The following XKR6 variants were observed in gnomAD, a reference collection of about 807,000 sequenced individuals.
The protein encoded by XKR6 is XK related 6.
Under a neutral mutation model 56.7 loss-of-function variants are expected in XKR6, and 22 were observed. The ratio of observed to expected loss-of-function variants is 0.39; its 90% CI spans 0.28 to 0.55. The LOEUF is 0.55. Ranked by LOEUF, XKR6 falls within the 20% of genes least tolerant of loss-of-function variation. The pLI, the probability that XKR6 is intolerant of heterozygous loss-of-function variation, is 0.66. For synonymous variants in XKR6, 524 were observed against 387.8 expected (o/e 1.35, Z -4.13); for missense variants, 852 against 889.0 (o/e 0.96, Z 0.53).
intron 1 of XKR6, among the ~76,000 whole-genome samples, chr8:10,965,545 A>T (rs1331587973): frequency 6.6e-6 from 1 of 152,214 alleles, no homozygotes; most frequent in Non-Finnish European, 1.5e-5. Context: ...ATCGTACATG[A>T]GCTGCTAAGG....
intron 1 of XKR6, among the ~76,000 whole-genome samples, chr8:11,183,216 A>G (rs1281511351): frequency 2.6e-5 from 4 of 152,190 alleles, no homozygotes; most frequent in African/African-American, 9.7e-5. Context: ...TCTTTTGGAT[A>G]TACAGCCCGA....
intron 2 of XKR6, among the ~76,000 whole-genome samples, chr8:10,913,093 T>TAG (rs1165403879): frequency 6.6e-6 from 1 of 151,054 alleles, no homozygotes; most frequent in Non-Finnish European, 1.5e-5. Flanking sequence ...TATCTATATA[T>TAG]AGAGAGAGAG....
At chr8:11,178,753 G>A (rs868789372) in intron 1 of XKR6, among the ~76,000 whole-genome samples, 3 of 150,174 alleles carry the variant, frequency 2.0e-5, no homozygotes, top group Non-Finnish European at 4.4e-5. Flanking sequence ...TTTACATATG[G>A]TAGGTAACGT....
intron 1 of XKR6, among the ~76,000 whole-genome samples, chr8:10,958,289 C>A (rs577426469): frequency 2.2e-4 from 34 of 152,386 alleles, no homozygotes; most frequent in African/African-American, 7.7e-4. Flanking sequence ...GCCTGGGAAA[C>A]AGAGGCCTGA....
chr8:11,167,530 G>A (rs1287911278), intron 1 of XKR6, among the ~76,000 whole-genome samples: 1 of 152,286 alleles, frequency 6.6e-6, no homozygotes, highest in Middle Eastern at 3.4e-3. Context: ...AATGAGACAT[G>A]CAACACATGA....
chr8:10,963,870 G>C (rs1192819987), intron 1 of XKR6, among the ~76,000 whole-genome samples: 3 of 152,196 alleles, frequency 2.0e-5, no homozygotes, highest in Non-Finnish European at 4.4e-5. Flanking sequence ...ACGAATGAAT[G>C]ATGTGAACAC....
At chr8:11,001,155 G>A (rs1756025624) in intron 1 of XKR6, among the ~76,000 whole-genome samples, 1 of 152,182 alleles carries the variant, frequency 6.6e-6, no homozygotes, top group African/African-American at 2.4e-5. Flanking sequence ...TATGTGTTAG[G>A]TGCCATACAC....
intron 1 of XKR6, among the ~76,000 whole-genome samples, chr8:11,132,899 A>G (rs551544709): frequency 6.6e-6 from 1 of 152,254 alleles, no homozygotes; most frequent in African/African-American, 2.4e-5. Flanking sequence ...TGCCAGAAAT[A>G]AATGCTCTAA....
At chr8:11,046,525 G>C (rs1370343267) in intron 1 of XKR6, among the ~76,000 whole-genome samples, 2 of 152,148 alleles carry the variant, frequency 1.3e-5, no homozygotes, top group African/African-American at 4.8e-5. Flanking sequence ...TAGCCAAAAG[G>C]TAGAAGTAAC....
At chr8:10,969,714 A>T (rs1256435764) in intron 1 of XKR6, among the ~76,000 whole-genome samples, 1 of 152,220 alleles carries the variant, frequency 6.6e-6, no homozygotes, top group Non-Finnish European at 1.5e-5. Flanking sequence ...TGAAAGATGG[A>T]AACAGGAGCC....
rs376679290 is a variant in XKR6 at position 11,128,617 on chromosome 8, G to A, written c.764+71959C>T. Among the ~76,000 whole-genome samples the A allele has an allele frequency of 1.2e-4, 19 of 152,246 alleles. No individual in the cohort carries two copies. The East Asian group carries it at 2.1e-3, about 17-fold the overall frequency. On this transcript the variant is annotated intron_variant, in intron 1 of 2. Coordinates refer to ENST00000416569, the MANE Select transcript of XKR6 (RefSeq NM_173683.4). Reference sequence around the variant, plus strand: ...TATCCAAGTACCACCTAGAGTACCCGCAGTACTCTACTGTCCTAGAGTATA... The same window carrying A: ...TATCCAAGTACCACCTAGAGTACCCACAGTACTCTACTGTCCTAGAGTATA...
chr8:11,097,788 C>G (rs1267920659), intron 1 of XKR6, among the ~76,000 whole-genome samples: 3 of 101,408 alleles, frequency 3.0e-5, no homozygotes, highest in Non-Finnish European at 5.4e-5. Context: ...GCCTGGGGGA[C>G]AAGAGCTAGA....
intron 1 of XKR6, among the ~76,000 whole-genome samples, chr8:11,165,090 C>CATTTTTTTTTTTTTTTTTTTTTTTTTT (rs762270947): frequency 1.2e-5 from 1 of 82,472 alleles, no homozygotes; most frequent in African/African-American, 5.2e-5. Context: ...AGGCTATCAC[C>CATTTTTTTTTTTTTTTTTTTTTTTTTT]TTTTTTTTTT....
intron 1 of XKR6, among the ~76,000 whole-genome samples, chr8:11,007,913 G>A (rs1270326845): frequency 6.6e-6 from 1 of 152,124 alleles, no homozygotes; most frequent in Non-Finnish European, 1.5e-5. Flanking sequence ...GGAAGCAGAT[G>A]GCAGGGGCAG....
rs1208155352 is a variant in XKR6, at chr8:11,170,475, T to C, written c.764+30101A>G. 2.0e-5 allele frequency among the ~76,000 whole-genome samples: 3 copies of C among 152,306 alleles called. No individual in the cohort carries two copies. The East Asian group carries it at 5.8e-4, about 29-fold the overall frequency. On this transcript the variant is annotated intron_variant, in intron 1 of 2. Transcript: ENST00000416569. ...CAAAAGACCACATTCTATGACTCAT[T>C]AATGAAATGTCCAGACTAGGCAACT...
chr8:10,940,198 G>A (rs183617667), intron 1 of XKR6, among the ~76,000 whole-genome samples: 21 of 152,332 alleles, frequency 1.4e-4, no homozygotes, highest in Admixed American at 9.1e-4. Context: ...AGGGAGAGAC[G>A]GGGAGGGAGG....
intron 1 of XKR6, among the ~76,000 whole-genome samples, chr8:11,047,074 C>T (rs981977417): frequency 2.6e-5 from 4 of 152,062 alleles, no homozygotes; most frequent in South Asian, 2.1e-4. Flanking sequence ...GGAGCTCTAA[C>T]GCACAGCATG....
chr8:11,013,953 T>A (rs1798556060), intron 1 of XKR6, among the ~76,000 whole-genome samples: 1 of 152,130 alleles, frequency 6.6e-6, no homozygotes, highest in African/African-American at 2.4e-5. Flanking sequence ...CAGACCCAAA[T>A]CCATTCCCAG....
intron 1 of XKR6, among the ~76,000 whole-genome samples, chr8:11,049,064 G>T (rs1401739364): frequency 6.6e-6 from 1 of 152,224 alleles, no homozygotes; most frequent in African/African-American, 2.4e-5. Flanking sequence ...AGGTCACCCT[G>T]CTGAAGTGGC....
Sources: gnomAD v4.1 joint callset for allele counts (sites outside exome capture counted in the v4.1 genomes callset) on GRCh38, gnomAD v4.1.1 for gene constraint, MANE v1.5 for transcripts, NCBI Gene and HGNC (gene_info 2026-07-23, HGNC 2026-07-21) for gene names.